Variants in ASIC5 observed in about 807,000 individuals in gnomAD.
ASIC5 encodes the protein acid sensing ion channel subunit family member 5, also known as bile acid-sensitive ion channel.
In ASIC5, 52 loss-of-function variants were observed where a neutral mutation model predicts 51.2. The observed-to-expected ratio is 1.02, with a 90% CI of 0.81 to 1.28. The LOEUF is 1.28. Among genes scored for constraint, ASIC5 ranks in the 50% most tolerant of loss-of-function variants. The pLI, the probability that ASIC5 is intolerant of heterozygous loss-of-function variation, is 0.00. For synonymous variants in ASIC5, 231 were observed against 200.7 expected, an observed-to-expected ratio of 1.15 and a Z score of -1.28; for missense variants, 635 against 595.0, an observed-to-expected ratio of 1.07 and a Z score of -0.70.
intron 6 of ASIC5, among the ~76,000 whole-genome samples, chr4:155,840,560 C>T (rs1297872650): frequency 2.0e-5 from 3 of 150,654 alleles, no homozygotes; most frequent in African/African-American, 7.3e-5. Flanking sequence ...CTGACTCCAT[C>T]TTGTTTCTAA....
chr4:155,849,643 T>A (rs1226005312), intron 4 of ASIC5, among the ~76,000 whole-genome samples: 2 of 152,084 alleles, frequency 1.3e-5, no homozygotes, highest in African/African-American at 4.8e-5. Flanking sequence ...ATTTTTATTA[T>A]TTTCTACAGT....
intron 2 of ASIC5, among the ~76,000 whole-genome samples, chr4:155,855,040 G>A (rs1227096786): frequency 1.3e-5 from 2 of 151,992 alleles, no homozygotes; most frequent in African/African-American, 2.4e-5. Flanking sequence ...AAGAACAGGC[G>A]AAAGACTTAC....
Position 155,829,806 on chromosome 4 carries a change from A to T in ASIC5, c.*50T>A. On this transcript the variant is annotated 3_prime_UTR_variant, in exon 10 of 10. Transcript: ENST00000537611. ...GTGACGTAACAATGAATTAGTCAAG[A>T]TAAATCTGAAGGTATCATGAAAAGG... The T allele has an allele frequency of 1.6e-6, 2 of 1,222,346 alleles. No homozygotes were observed. Among genetic ancestry groups the T allele is most frequent in the Non-Finnish European group, 2.2e-6 (2 of 891,228 alleles). 75.7% of individuals were successfully genotyped at this position (1,222,346 alleles called of 1,614,324 possible). A position where few individuals can be genotyped will look rare whatever the true frequency, so the allele number is the denominator to read the frequency against.
intron 4 of ASIC5, among the ~76,000 whole-genome samples, chr4:155,850,574 A>G (rs373347076): frequency 6.6e-6 from 1 of 152,006 alleles, no homozygotes; most frequent in Non-Finnish European, 1.5e-5. Flanking sequence ...ATAGTTTTCC[A>G]TGGATCACAT....
In ASIC5 at chr4:155,831,841, C is replaced by G; in HGVS notation, c.1310G>C (p.Ser437Thr). The change falls in exon 9 of 10, where the codon AGT becomes ACT. Residue 437 changes from serine (S) to threonine (T), a missense_variant. Coordinates refer to ENST00000537611, the MANE Select transcript of ASIC5 (RefSeq NM_017419.3). ...ACACTTACCAAGTAACTCAGACACACTCACCGCCTTTTGCTGCTGGGTTAT... is the reference window on the plus strand; with the variant it reads ...ACACTTACCAAGTAACTCAGACACAGTCACCGCCTTTTGCTGCTGGGTTAT... ...YKITQQQKAVSVSELLADLGG... is the reference protein window; with the variant it reads ...YKITQQQKAVTVSELLADLGG... 6.2e-7 allele frequency: 1 copy of G among 1,602,448 alleles called. No homozygotes were observed. Among genetic ancestry groups the G allele is most frequent in the Non-Finnish European group, 8.5e-7 (1 of 1,170,138 alleles).
At chr4:155,865,591 A>G (rs971374057) in intron 1 of ASIC5, among the ~76,000 whole-genome samples, 9 of 152,152 alleles carry the variant, frequency 5.9e-5, no homozygotes, top group African/African-American at 2.2e-4. Flanking sequence ...TTTGCCTGTC[A>G]AAAATCAGCC....
At chr4:155,851,230 G>A (rs185109226) in intron 4 of ASIC5, among the ~76,000 whole-genome samples, 86 of 152,078 alleles carry the variant, frequency 5.7e-4, no homozygotes, top group African/African-American at 1.3e-3. Flanking sequence ...TGAATGACTC[G>A]AAAGTATTAA....
At position 155,835,583 on chromosome 4, in the gene ASIC5, C is replaced by A. The variant is rs189590972; in HGVS notation, c.1235+1106G>T. Reference sequence around the variant, plus strand: ...TATCAACCAAAAGACACAGGAAGTGCTCTTCTAAGTCATATTTAAATACAT... The same window carrying A: ...TATCAACCAAAAGACACAGGAAGTGATCTTCTAAGTCATATTTAAATACAT... On this transcript the variant is annotated intron_variant, in intron 8 of 9. Transcript: ENST00000537611. 4.5e-4 allele frequency among the ~76,000 whole-genome samples: 69 copies of A among 152,224 alleles called. 1 individual carries two copies. Among genetic ancestry groups the A allele is most frequent in the African/African-American group, 1.5e-3 (64 of 41,540 alleles).
At chr4:155,856,024 G>T (rs777069011) in intron 2 of ASIC5, among the ~76,000 whole-genome samples, 4 of 151,934 alleles carry the variant, frequency 2.6e-5, no homozygotes, top group African/African-American at 9.7e-5. Context: ...ATATAACAAG[G>T]TCACCTTTGC....
chr4:155,848,999 A>G (rs6833036), intron 4 of ASIC5, among the ~76,000 whole-genome samples: 150,381 of 152,200 alleles, frequency 0.99, 74,301 homozygotes, highest in East Asian at 1. Flanking sequence ...CTATTTGTGG[A>G]TATTCTTAAC....
chr4:155,837,338 T>C (rs1158127074), intron 7 of ASIC5, among the ~76,000 whole-genome samples: 1 of 152,172 alleles, frequency 6.6e-6, no homozygotes, highest in Non-Finnish European at 1.5e-5. Flanking sequence ...TGCAGTTCCT[T>C]ATTTCTGTTG....
intron 8 of ASIC5, 35 bp downstream of exon 8, chr4:155,836,654 T>C (rs1209494413): frequency 1.5e-6 from 2 of 1,339,346 alleles, no homozygotes; most frequent in Non-Finnish European, 2.0e-6. Flanking sequence ...AAATCTATGT[T>C]AATTATCAAT....
chr4:155,830,003 C>T lies in ASIC5; in HGVS notation c.1371G>A (p.Leu457=), dbSNP rs1385360643. ...ATTCAATAATTTCTATGATCGTGAT[C>T]AGACTGGCCCCACAAAATAGACCCA... ...GQLGLFCGAS[L]ITIIEIIEYL... Residue 457 remains leucine (L), a synonymous_variant, in exon 10 of 10, where the codon CTG becomes CTA. Coordinates refer to ENST00000537611, the MANE Select transcript of ASIC5 (RefSeq NM_017419.3). The T allele has an allele frequency of 6.9e-6, 11 of 1,587,518 alleles. No homozygotes were observed. Among genetic ancestry groups the T allele is most frequent in the African/African-American group, 4.1e-5 (3 of 73,736 alleles).
In ASIC5 at chr4:155,836,856, G is replaced by T; in HGVS notation, c.1068C>A (p.Asp356Glu). 2 of 1,580,736 alleles carry T rather than the reference G, an allele frequency of 1.3e-6. No individual in the cohort carries two copies. Among genetic ancestry groups the T allele is most frequent in the Non-Finnish European group, 1.7e-6 (2 of 1,161,074 alleles). ...KYFSCVSPVL[D>E]HIEFKDLCTV... ...TACATAAATCCTTAAATTCAATGTG[G>T]TCTGAAATGAAAATCAGGACAGGGA... is the stretch of plus-strand genomic sequence containing the variant. Residue 356 changes from aspartate to glutamate, a missense_variant and splice_region_variant, in exon 8 of 10, where the codon GAC (aspartate) becomes GAA (glutamate). Transcript: ENST00000537611.
chr4:155,860,246 A>G (rs571132369), intron 2 of ASIC5, among the ~76,000 whole-genome samples: 2 of 152,028 alleles, frequency 1.3e-5, no homozygotes, highest in Admixed American at 6.6e-5. Context: ...CATAAATATA[A>G]TGATATATAA....
chr4:155,855,813 C>T (rs529644597), intron 2 of ASIC5, among the ~76,000 whole-genome samples: 36 of 151,014 alleles, frequency 2.4e-4, no homozygotes, highest in African/African-American at 8.8e-4. Context: ...GAAATGGCTG[C>T]TGCAGGGTCA....
At chr4:155,837,998 A>T (rs1040342402) in intron 7 of ASIC5, among the ~76,000 whole-genome samples, 1 of 152,200 alleles carries the variant, frequency 6.6e-6, no homozygotes, top group African/African-American at 2.4e-5. Flanking sequence ...TCTATTGGTT[A>T]GTAATACGGC....
rs116328418 is a variant in ASIC5 at position 155,843,636 on chromosome 4, A to G, written c.861+45T>C. On this transcript the variant is annotated intron_variant, in intron 5 of 9. Coordinates refer to ENST00000537611, the MANE Select transcript of ASIC5 (RefSeq NM_017419.3). ...GTGAAAAGCATTACTTATGTGTTTGATGCATTCACTACCCCACCTAATTTC... is the reference window on the plus strand; with the variant it reads ...GTGAAAAGCATTACTTATGTGTTTGGTGCATTCACTACCCCACCTAATTTC... The G allele has an allele frequency of 5.4e-4, 863 of 1,600,122 alleles. 8 individuals carry two copies. The African/African-American group carries it at 0.011, about 20-fold the overall frequency.
intron 1 of ASIC5, among the ~76,000 whole-genome samples, 189 bp from the exon 2 acceptor site, chr4:155,863,943 A>G (rs980873948): frequency 6.6e-6 from 1 of 152,154 alleles, no homozygotes; most frequent in African/African-American, 2.4e-5. Context: ...TGTTGGCTAC[A>G]TGGGTTTATT....
Sources: allele counts gnomAD v4.1 joint callset (sites outside exome capture counted in the v4.1 genomes callset), GRCh38; gene constraint gnomAD v4.1.1; transcripts MANE v1.5; gene names NCBI Gene and HGNC (gene_info 2026-07-23, HGNC 2026-07-21).